Variants in CEP112 observed in about 807,000 individuals in gnomAD.
CEP112 encodes centrosomal protein 112, also known as centrosomal protein of 112 kDa.
CEP112 carries 127 observed loss-of-function variants against 153.0 expected under a neutral mutation model. That is an observed-to-expected ratio of 0.83 (90% CI 0.72 to 0.96). The LOEUF (loss-of-function observed/expected upper bound fraction) is 0.96. Among genes scored for constraint, CEP112 ranks in the 40% least tolerant of loss-of-function variants. The pLI, the probability that CEP112 is intolerant of heterozygous loss-of-function variation, is 0.00. For synonymous variants in CEP112, 358 were observed against 374.4 expected (o/e 0.96, Z 0.51); for missense variants, 1,089 against 1,101.2 (o/e 0.99, Z 0.16).
intron 22 of CEP112, among the ~76,000 whole-genome samples, chr17:65,743,468 T>C (rs751210409): frequency 2.0e-5 from 3 of 152,244 alleles, no homozygotes; most frequent in Admixed American, 6.5e-5. Context: ...CATTCCACAA[T>C]ATTTACTCAT....
chr17:65,859,695 G>A (rs1255268655), intron 20 of CEP112, among the ~76,000 whole-genome samples: 1 of 149,712 alleles, frequency 6.7e-6, no homozygotes, highest in Non-Finnish European at 1.5e-5. Context: ...GTATTCACAA[G>A]TGTATGACAA....
At chr17:65,844,673 T>A (rs915509109) in intron 21 of CEP112, among the ~76,000 whole-genome samples, 2 of 137,698 alleles carry the variant, frequency 1.5e-5, no homozygotes, top group African/African-American at 2.8e-5. Context: ...GAAGACTCTA[T>A]CTCAAAAAAA....
intron 8 of CEP112, among the ~76,000 whole-genome samples, chr17:66,086,316 C>T (rs2067926693): frequency 2.7e-5 from 4 of 150,046 alleles, no homozygotes; most frequent in Admixed American, 2.0e-4. Context: ...AGCATTTATC[C>T]TCATGCCAAC....
At chr17:66,032,781 G>C (rs1327711026) in intron 12 of CEP112, among the ~76,000 whole-genome samples, 1 of 152,202 alleles carries the variant, frequency 6.6e-6, no homozygotes, top group East Asian at 1.9e-4. Context: ...TATTGAAATT[G>C]TAAAACATAT....
intron 6 of CEP112, among the ~76,000 whole-genome samples, chr17:66,099,897 T>C (rs993969793): frequency 2.6e-5 from 4 of 152,134 alleles, no homozygotes; most frequent in African/African-American, 7.2e-5. Context: ...CCACTTAAAA[T>C]AGGACGCTCT....
intron 17 of CEP112, among the ~76,000 whole-genome samples, chr17:65,964,183 T>C (rs572788645): frequency 6.6e-6 from 1 of 152,366 alleles, no homozygotes; most frequent in East Asian, 1.9e-4. Context: ...ACCATGTTTC[T>C]TACATGTTGT....
intron 21 of CEP112, among the ~76,000 whole-genome samples, chr17:65,803,038 G>T (rs577984135): frequency 6.6e-6 from 1 of 152,206 alleles, no homozygotes; most frequent in Non-Finnish European, 1.5e-5. Context: ...TCTGTCCCAG[G>T]ACATGAGCCA....
At chr17:65,880,727 G>T (rs896184668) in intron 20 of CEP112, among the ~76,000 whole-genome samples, 1 of 152,190 alleles carries the variant, frequency 6.6e-6, no homozygotes, top group South Asian at 2.1e-4. Context: ...TGAGGCTGGG[G>T]CTAGCTCACA....
chr17:65,803,512 T>A (rs1461076691), intron 21 of CEP112, among the ~76,000 whole-genome samples: 1 of 152,240 alleles, frequency 6.6e-6, no homozygotes, highest in Admixed American at 6.5e-5. Context: ...AGTTTCAAGA[T>A]GTAATTAATG....
At chr17:65,875,958 G>A (rs2058812204) in intron 20 of CEP112, among the ~76,000 whole-genome samples, 1 of 152,086 alleles carries the variant, frequency 6.6e-6, no homozygotes, top group Non-Finnish European at 1.5e-5. Flanking sequence ...CCTTGTTTCT[G>A]GCAGTTTTTT....
At chr17:65,903,679 AT>A (rs1389985128) in intron 19 of CEP112, among the ~76,000 whole-genome samples, 1 of 152,158 alleles carries the variant, frequency 6.6e-6, no homozygotes, top group African/African-American at 2.4e-5. Context: ...ATTTCAGGCC[AT>A]TTTCCCTGAT....
intron 9 of CEP112, among the ~76,000 whole-genome samples, chr17:66,068,895 G>C (rs556209227): frequency 2.1e-4 from 32 of 151,884 alleles, no homozygotes; most frequent in African/African-American, 6.8e-4. Context: ...ACTTATGATA[G>C]AGAACTATTA....
In CEP112 at chr17:65,970,851, A is replaced by G. The variant is rs946874359; in HGVS notation, c.1737-9253T>C. On this transcript the variant is annotated intron_variant, in intron 17 of 26. Transcript: ENST00000535342. ...TGCATGCACATTACATGCATATGTCATGTATATCTGCATGCTGCATCGCAT... is the reference window on the plus strand; with the variant it reads ...TGCATGCACATTACATGCATATGTCGTGTATATCTGCATGCTGCATCGCAT... Among the ~76,000 whole-genome samples the G allele has an allele frequency of 1.2e-4, 19 of 152,366 alleles. 1 individual carries two copies. Among genetic ancestry groups the G allele is most frequent in the South Asian group, 8.3e-4 (4 of 4,828 alleles).
At chr17:65,952,385 T>C (rs1322757137) in intron 18 of CEP112, among the ~76,000 whole-genome samples, 2 of 152,034 alleles carry the variant, frequency 1.3e-5, no homozygotes, top group Non-Finnish European at 2.9e-5. Flanking sequence ...GTATATACTC[T>C]TCTGCTTGCA....
At chr17:66,050,583 C>T (rs2066397207) in intron 12 of CEP112, among the ~76,000 whole-genome samples, 1 of 152,084 alleles carries the variant, frequency 6.6e-6, no homozygotes, top group African/African-American at 2.4e-5. Flanking sequence ...TTTAAAAAGT[C>T]GTATTATCAA....
At chr17:65,906,252 C>A (rs1423269406) in intron 19 of CEP112, among the ~76,000 whole-genome samples, 2 of 138,898 alleles carry the variant, frequency 1.4e-5, no homozygotes, top group East Asian at 4.0e-4. Context: ...GAACATCACA[C>A]ACAGGGGCCT....
chr17:66,187,829 T>C (rs2072995268), intron 1 of CEP112, among the ~76,000 whole-genome samples: 1 of 152,314 alleles, frequency 6.6e-6, no homozygotes, highest in South Asian at 2.1e-4. Flanking sequence ...ATTATCTAGA[T>C]TTATATGTCC....
intron 24 of CEP112, among the ~76,000 whole-genome samples, chr17:65,659,976 G>A (rs1459139330): frequency 6.6e-6 from 1 of 152,176 alleles, no homozygotes; most frequent in African/African-American, 2.4e-5. Context: ...AAGCATAGAG[G>A]TGACTGTGTG....
intron 23 of CEP112, among the ~76,000 whole-genome samples, chr17:65,694,510 T>G (rs1462759720): frequency 6.6e-6 from 1 of 152,254 alleles, no homozygotes; most frequent in Non-Finnish European, 1.5e-5. Flanking sequence ...ATGTAAAGTG[T>G]GATCTTTCTA....
Sources: allele counts gnomAD v4.1 joint callset (sites outside exome capture counted in the v4.1 genomes callset), GRCh38; gene constraint gnomAD v4.1.1; transcripts MANE v1.5; gene names NCBI Gene and HGNC (gene_info 2026-07-23, HGNC 2026-07-21).